XKR6: variants seen among roughly 807,000 people sequenced by gnomAD.
The protein encoded by XKR6 is XK-related protein 6.
In XKR6, 22 loss-of-function variants were observed where a neutral mutation model predicts 56.7. The ratio of observed to expected loss-of-function variants is 0.39; its 90% CI spans 0.28 to 0.55. The LOEUF (loss-of-function observed/expected upper bound fraction) is 0.55. Ranked by LOEUF, XKR6 falls within the 20% of genes least tolerant of loss-of-function variation. XKR6 has a pLI of 0.66. For synonymous variants in XKR6, 524 were observed against 387.8 expected, an observed-to-expected ratio of 1.35 and a Z score of -4.13; for missense variants, 852 against 889.0, an observed-to-expected ratio of 0.96 and a Z score of 0.53.
chr8:11,065,571 A>G (rs11776637), intron 1 of XKR6, among the ~76,000 whole-genome samples: 47,791 of 150,792 alleles, frequency 0.32, 8,364 homozygotes, highest in African/African-American at 0.44. Flanking sequence ...TTGCATTTTT[A>G]CTTAATACGT....
At chr8:10,947,154 C>G (rs1022104668) in intron 1 of XKR6, among the ~76,000 whole-genome samples, 3 of 152,042 alleles carry the variant, frequency 2.0e-5, no homozygotes, top group Non-Finnish European at 4.4e-5. Flanking sequence ...GTGAGGAGAG[C>G]TTGCTCCATG....
Position 10,926,513 on chromosome 8 carries a change from C to G in XKR6, c.765-1683G>C, listed in dbSNP as rs1800890766. 2.0e-5 allele frequency among the ~76,000 whole-genome samples: 3 copies of G among 152,350 alleles called. No homozygotes were observed. The South Asian group carries it at 6.2e-4, about 32-fold the overall frequency. Reference sequence around the variant, plus strand: ...CTCCAGACCCACCCCCTGTGGTGAGCAGAGATGCAATCTTACTGACAACCA... The same window carrying G: ...CTCCAGACCCACCCCCTGTGGTGAGGAGAGATGCAATCTTACTGACAACCA... On this transcript the variant is annotated intron_variant, in intron 1 of 2. Transcript: ENST00000416569.
chr8:11,099,913 C>T (rs1018957125), intron 1 of XKR6, among the ~76,000 whole-genome samples: 4 of 152,276 alleles, frequency 2.6e-5, no homozygotes, highest in African/African-American at 9.6e-5. Flanking sequence ...GCCATAAGCA[C>T]ATGGGGAGGA....
intron 1 of XKR6, among the ~76,000 whole-genome samples, chr8:10,952,348 A>G (rs769052554): frequency 6.6e-6 from 1 of 152,256 alleles, no homozygotes; most frequent in African/African-American, 2.4e-5. Context: ...TGCACAGTCC[A>G]TAAACCCCCA....
At chr8:11,199,725 G>A (rs1037830998) in intron 1 of XKR6, among the ~76,000 whole-genome samples, 5 of 152,180 alleles carry the variant, frequency 3.3e-5, no homozygotes, top group African/African-American at 1.2e-4. Flanking sequence ...GTTTGTGAGG[G>A]ACTGAACTGG....
intron 1 of XKR6, among the ~76,000 whole-genome samples, chr8:11,179,452 T>G (rs139562717): frequency 1.2e-4 from 18 of 152,338 alleles, no homozygotes; most frequent in Non-Finnish European, 2.2e-4. Flanking sequence ...CCAGGTTGGC[T>G]GAGGCTATTC....
chr8:11,082,584 T>C (rs574718040), intron 1 of XKR6, among the ~76,000 whole-genome samples: 2 of 152,366 alleles, frequency 1.3e-5, no homozygotes, highest in East Asian at 3.9e-4. Context: ...GCGGACCACC[T>C]GGCTCCTCCT....
chr8:11,142,117 A>G (rs1800733407), intron 1 of XKR6, among the ~76,000 whole-genome samples: 1 of 152,036 alleles, frequency 6.6e-6, no homozygotes, highest in Admixed American at 6.5e-5. Context: ...TTTTATTTTT[A>G]TACACACACA....
At chr8:11,007,060 T>G (rs1798386412) in intron 1 of XKR6, among the ~76,000 whole-genome samples, 1 of 152,176 alleles carries the variant, frequency 6.6e-6, no homozygotes, top group African/African-American at 2.4e-5. Flanking sequence ...AGGATTTAAT[T>G]CCTGAATAAG....
In XKR6 at chr8:11,016,164, C is replaced by T. The variant is rs1249469881; in HGVS notation, c.765-91334G>A. Among the ~76,000 whole-genome samples, 4 of 152,318 alleles carry T rather than the reference C, an allele frequency of 2.6e-5. No individual in the cohort carries two copies. The East Asian group carries it at 7.8e-4, about 30-fold the overall frequency. On this transcript the variant is annotated intron_variant, in intron 1 of 2. Coordinates refer to ENST00000416569, the MANE Select transcript of XKR6 (RefSeq NM_173683.4). ...GGGGTGCAGCTCCCCTGGCACAGCCCGACGGTGGGAGAGGGCGGCCAGCTG... is the reference window on the plus strand; with the variant it reads ...GGGGTGCAGCTCCCCTGGCACAGCCTGACGGTGGGAGAGGGCGGCCAGCTG...
intron 2 of XKR6, among the ~76,000 whole-genome samples, chr8:10,910,031 A>G (rs1800305085): frequency 6.6e-6 from 1 of 151,892 alleles, no homozygotes; most frequent in African/African-American, 2.4e-5. Flanking sequence ...CACCCATTTA[A>G]CTAACAGCAA....
At chr8:10,936,931 A>T (rs1207789408) in intron 1 of XKR6, among the ~76,000 whole-genome samples, 1,649 of 29,472 alleles carry the variant, frequency 0.056, no homozygotes, top group Non-Finnish European at 0.089. Context: ...GTATTTCCTG[A>T]ATCTGAACGT....
At chr8:11,025,956 G>A (rs1020640530) in intron 1 of XKR6, among the ~76,000 whole-genome samples, 1 of 152,122 alleles carries the variant, frequency 6.6e-6, no homozygotes, top group Non-Finnish European at 1.5e-5. Context: ...AGATATCAAA[G>A]AATCAGTACA....
chr8:10,927,929 T>C (rs1800943305), intron 1 of XKR6, among the ~76,000 whole-genome samples: 1 of 152,184 alleles, frequency 6.6e-6, no homozygotes, highest in Non-Finnish European at 1.5e-5. Flanking sequence ...CAGGCACCTC[T>C]GGGACTGTAG....
At chr8:10,912,675 G>GAGAGAA (rs1800433751) in intron 2 of XKR6, among the ~76,000 whole-genome samples, 3 of 138,424 alleles carry the variant, frequency 2.2e-5, no homozygotes, top group African/African-American at 8.2e-5. Context: ...TATATATATA[G>GAGAGAA]AGAGGGTGAG....
At chr8:11,021,994 A>G (rs1353885228) in intron 1 of XKR6, among the ~76,000 whole-genome samples, 1 of 151,684 alleles carries the variant, frequency 6.6e-6, no homozygotes, top group Non-Finnish European at 1.5e-5. Flanking sequence ...CCAGCTGAGC[A>G]CTGGACTGCA....
At chr8:11,146,768 A>G (rs1156524490) in intron 1 of XKR6, among the ~76,000 whole-genome samples, 2 of 152,234 alleles carry the variant, frequency 1.3e-5, no homozygotes, top group Non-Finnish European at 2.9e-5. Flanking sequence ...TGGTAAACAC[A>G]CACAATGAAA....
At position 10,937,732 on chromosome 8, in the gene XKR6, C is replaced by G. The variant is rs1167385570; in HGVS notation, c.765-12902G>C. ...CTGCTCGGGGGTCAGGGGTCAGGGA[C>G]CCACTTGAGGAGGCAGTCTGCCCGT... On this transcript the variant is annotated intron_variant, in intron 1 of 2. Coordinates refer to ENST00000416569, the MANE Select transcript of XKR6 (RefSeq NM_173683.4). Among the ~76,000 whole-genome samples, 163 of 149,076 alleles carry G rather than the reference C, an allele frequency of 1.1e-3. 2 individuals carry two copies. The East Asian group carries it at 0.026, about 24-fold the overall frequency.
At chr8:11,172,480 G>C (rs940643407) in intron 1 of XKR6, among the ~76,000 whole-genome samples, 1 of 152,108 alleles carries the variant, frequency 6.6e-6, no homozygotes, top group Non-Finnish European at 1.5e-5. Flanking sequence ...CATCTTCAGG[G>C]TGTTTTGTTC....
Sources: gnomAD v4.1 joint callset for allele counts (sites outside exome capture counted in the v4.1 genomes callset) on GRCh38, gnomAD v4.1.1 for gene constraint, MANE v1.5 for transcripts, NCBI Gene and HGNC (gene_info 2026-07-23, HGNC 2026-07-21) for gene names.